Variants in PLCH1 observed in about 807,000 individuals in gnomAD.
The protein encoded by PLCH1 is phospholipase C eta 1.
In PLCH1, 60 loss-of-function variants were observed where a neutral mutation model predicts 126.7. The ratio of observed to expected loss-of-function variants is 0.47; its 90% CI spans 0.38 to 0.59. The LOEUF (loss-of-function observed/expected upper bound fraction) is 0.59, where lower values mean the gene tolerates loss of function less well. Among genes scored for constraint, PLCH1 ranks in the 20% least tolerant of loss-of-function variants. The probability of loss-of-function intolerance (pLI) is 0.00; values close to 1 mark genes in which losing one functional copy is unlikely to be tolerated. For missense variants in PLCH1, 1,723 were observed against 2,040.0 expected (o/e 0.84, Z 2.99); for synonymous variants, 719 against 734.9 (o/e 0.98, Z 0.35).
At chr3:155,592,843 C>G (rs1482495533) in intron 4 of PLCH1, among the ~76,000 whole-genome samples, 1 of 152,096 alleles carries the variant, frequency 6.6e-6, no homozygotes, top group Non-Finnish European at 1.5e-5. Context: ...GAAATCAAAC[C>G]AACAGATTTA....
chr3:155,573,802 G>A (rs73154265), intron 6 of PLCH1, among the ~76,000 whole-genome samples: 7,716 of 152,214 alleles, frequency 0.051, 241 homozygotes, highest in Middle Eastern at 0.1. Context: ...AAGGTGCATT[G>A]CAAAGACACA....
intron 11 of PLCH1, among the ~76,000 whole-genome samples, chr3:155,520,166 G>A (rs1405111611): frequency 6.6e-6 from 1 of 152,108 alleles, no homozygotes; most frequent in African/African-American, 2.4e-5. Context: ...CCCAGCACCT[G>A]GGCTTTTTGA....
intron 2 of PLCH1, among the ~76,000 whole-genome samples, chr3:155,651,468 G>C (rs920358823): frequency 6.6e-6 from 1 of 152,134 alleles, no homozygotes; most frequent in African/African-American, 2.4e-5. Flanking sequence ...TGGGGGGTTG[G>C]AGGGGGTGGC....
intron 9 of PLCH1, 98 bp downstream of exon 9, chr3:155,553,978 G>C (rs1288313111): frequency 9.0e-7 from 1 of 1,115,252 alleles, no homozygotes; most frequent in Non-Finnish European, 1.3e-6. Context: ...GGGCAGTGTA[G>C]AGTCCAAGGA....
chr3:155,661,809 T>C (rs1369844234), intron 2 of PLCH1, among the ~76,000 whole-genome samples: 1 of 152,206 alleles, frequency 6.6e-6, no homozygotes, highest in African/African-American at 2.4e-5. Flanking sequence ...CTCTGTTCAT[T>C]TGGTAATTTC....
intron 21 of PLCH1, among the ~76,000 whole-genome samples, chr3:155,461,316 C>T (rs1712716426): frequency 6.6e-6 from 1 of 151,942 alleles, no homozygotes; most frequent in Non-Finnish European, 1.5e-5. Context: ...TTTTAGGGAC[C>T]CAGAGATCTA....
At chr3:155,712,999 A>G (rs1374660395) in intron 1 of PLCH1, among the ~76,000 whole-genome samples, 1 of 151,192 alleles carries the variant, frequency 6.6e-6, no homozygotes, top group Non-Finnish European at 1.5e-5. Context: ...GTCTTTAAAA[A>G]AAAAAAAGCC....
At chr3:155,540,182 A>T (rs755854548) in intron 10 of PLCH1, among the ~76,000 whole-genome samples, 1 of 152,298 alleles carries the variant, frequency 6.6e-6, no homozygotes, top group Non-Finnish European at 1.5e-5. Flanking sequence ...ATATTGGCAA[A>T]GCACATGTAG....
At position 155,704,260 on chromosome 3, in the gene PLCH1, T is replaced by C. The variant is rs1746491045; in HGVS notation, c.-36A>G. The C allele has an allele frequency of 1.0e-6, 1 of 970,030 alleles. No individual in the cohort carries two copies. Among genetic ancestry groups the C allele is most frequent in the Admixed American group, 4.3e-5 (1 of 23,406 alleles). The allele number at this position is 970,030 out of a possible 1,614,324, so 60.1% of individuals were successfully genotyped here. A position where few individuals can be genotyped will look rare whatever the true frequency, so the allele number is the denominator to read the frequency against. On this transcript the variant is annotated 5_prime_UTR_variant, in exon 2 of 23. Coordinates refer to ENST00000460012, the MANE Select transcript of PLCH1 (RefSeq NM_014996.4). ...TTTCTGGCACAGCATCAAAACCAAA[T>C]TGCCCTGTCAAGGGAAACAGAATGA... is the stretch of plus-strand genomic sequence containing the variant.
At chr3:155,734,866 G>A (rs576278830) in intron 1 of PLCH1, among the ~76,000 whole-genome samples, 19 of 152,010 alleles carry the variant, frequency 1.2e-4, no homozygotes, top group Admixed American at 2.6e-4. Flanking sequence ...CCGCCACCAC[G>A]CCCGGCTAAT....
Position 155,482,847 on chromosome 3 carries a change from G to C in PLCH1, c.3179C>G (p.Ser1060Ter), listed in dbSNP as rs1714396978. The part of the protein sequence containing the change: ...MSSPRGGRTT[S>*]NATSNCQENP... ...TTCCTGGCAATTGCTTGTGGCATTT[G>C]ATGTGGTTCTCCCACCCCTAGGACT... Residue 1060 changes from serine (S) to a stop codon, truncating the protein, a stop_gained, in exon 23 of 23, where the codon TCA becomes TGA. Transcript: ENST00000460012. LOFTEE classifies it low-confidence loss of function (END_TRUNC). 1.2e-6 allele frequency: 2 copies of C among 1,614,032 alleles called. No homozygotes were observed. Among genetic ancestry groups the C allele is most frequent in the Admixed American group, 1.7e-5 (1 of 60,002 alleles).
chr3:155,743,990 G>A (rs1395182218), intron 1 of PLCH1, among the ~76,000 whole-genome samples: 1 of 151,792 alleles, frequency 6.6e-6, no homozygotes, highest in African/African-American at 2.4e-5. Context: ...ACGGTAACAA[G>A]GGAAGGGAAA....
chr3:155,485,229 T>G (rs1376181845), intron 22 of PLCH1, 127 bp downstream of exon 22: 2 of 635,826 alleles, frequency 3.1e-6, no homozygotes, highest in Non-Finnish European at 5.4e-6. Context: ...GAAGATCACA[T>G]TACAAAGTAT....
intron 2 of PLCH1, among the ~76,000 whole-genome samples, chr3:155,651,032 C>T (rs1191780827): frequency 1.3e-5 from 2 of 149,754 alleles, no homozygotes; most frequent in African/African-American, 4.9e-5. Flanking sequence ...AGCGAGACTC[C>T]GTCTCAAAAA....
intron 11 of PLCH1, among the ~76,000 whole-genome samples, chr3:155,518,640 A>G (rs770327812): frequency 2.6e-5 from 4 of 152,226 alleles, no homozygotes; most frequent in Non-Finnish European, 2.9e-5. Flanking sequence ...ACTTAAGGTC[A>G]GAAGCAAATC....
intron 10 of PLCH1, among the ~76,000 whole-genome samples, chr3:155,537,597 T>A (rs1723614442): frequency 6.6e-6 from 1 of 152,046 alleles, no homozygotes; most frequent in Non-Finnish European, 1.5e-5. Flanking sequence ...GGAGCAGCTA[T>A]CCTTATATCA....
At chr3:155,727,317 A>G (rs1748409363) in intron 1 of PLCH1, among the ~76,000 whole-genome samples, 1 of 151,864 alleles carries the variant, frequency 6.6e-6, no homozygotes, top group Non-Finnish European at 1.5e-5. Context: ...CTGAGATAAA[A>G]AATAGATTTC....
At chr3:155,453,686 G>A (rs1712368321) in intron 21 of PLCH1, among the ~76,000 whole-genome samples, 1 of 151,656 alleles carries the variant, frequency 6.6e-6, no homozygotes, top group Admixed American at 6.6e-5. Flanking sequence ...ATTTTGACAT[G>A]AGTTATTTTG....
At chr3:155,730,820 G>T (rs548350386) in intron 1 of PLCH1, among the ~76,000 whole-genome samples, 1 of 152,202 alleles carries the variant, frequency 6.6e-6, no homozygotes, top group Non-Finnish European at 1.5e-5. Context: ...GGTCACCCAT[G>T]CTTTAACCAC....
Sources: gnomAD v4.1 joint callset for allele counts (sites outside exome capture counted in the v4.1 genomes callset) on GRCh38, gnomAD v4.1.1 for gene constraint, MANE v1.5 for transcripts, NCBI Gene and HGNC (gene_info 2026-07-23, HGNC 2026-07-21) for gene names.